The following PTTG1IP variants were observed in gnomAD, a reference collection of about 807,000 sequenced individuals.
The protein encoded by PTTG1IP is pituitary tumor-transforming gene 1 protein-interacting protein.
In PTTG1IP, 16 loss-of-function variants were observed where a neutral mutation model predicts 24.4. The observed-to-expected ratio is 0.66, with a 90% CI of 0.44 to 1.00. PTTG1IP has a LOEUF of 1.00. Ranked by LOEUF, PTTG1IP falls within the 50% of genes least tolerant of loss-of-function variation. The pLI is 0.00. For missense variants in PTTG1IP, 241 were observed against 245.8 expected (o/e 0.98, Z 0.13); for synonymous variants, 89 against 96.8 (o/e 0.92, Z 0.47).
chr21:44,854,022 G>A (rs1477714827), intron 5 of PTTG1IP, among the ~76,000 whole-genome samples: 1 of 152,124 alleles, frequency 6.6e-6, no homozygotes, highest in Admixed American at 6.5e-5. Context: ...AGTGGGCAGA[G>A]CCACCCAGCG....
chr21:44,865,623 C>T (rs2083530027), intron 1 of PTTG1IP, 176 bp from the exon 2 acceptor site: 2 of 667,050 alleles, frequency 3.0e-6, no homozygotes, highest in Non-Finnish European at 5.4e-6. Flanking sequence ...TTCTTCAAGA[C>T]ATGTGGAACG....
intron 1 of PTTG1IP, among the ~76,000 whole-genome samples, chr21:44,868,738 A>G (rs923841425): frequency 2.0e-5 from 3 of 152,244 alleles, no homozygotes; most frequent in Non-Finnish European, 4.4e-5. Context: ...CCATTTTACA[A>G]TCATCACAGC....
At chr21:44,864,259 T>C (rs992687344) in intron 2 of PTTG1IP, among the ~76,000 whole-genome samples, 3 of 152,244 alleles carry the variant, frequency 2.0e-5, no homozygotes, top group South Asian at 2.1e-4. Context: ...GCTGATTTCA[T>C]AGCGCTGCGA....
chr21:44,869,925 A>G (rs529353245), intron 1 of PTTG1IP, among the ~76,000 whole-genome samples: 3 of 152,340 alleles, frequency 2.0e-5, no homozygotes, highest in African/African-American at 7.2e-5. Flanking sequence ...CTTTCTGATA[A>G]CTAGGTCTTG....
chr21:44,865,225 T>C (rs1236240371), intron 2 of PTTG1IP, among the ~76,000 whole-genome samples, 170 bp downstream of exon 2: 1 of 152,218 alleles, frequency 6.6e-6, no homozygotes, highest in Non-Finnish European at 1.5e-5. Flanking sequence ...AGGTTTAATA[T>C]ACCTGAAATG....
chr21:44,862,193 G>A (rs1434907815), intron 2 of PTTG1IP, among the ~76,000 whole-genome samples: 2 of 152,232 alleles, frequency 1.3e-5, no homozygotes, highest in Non-Finnish European at 2.9e-5. Context: ...GGACAGCCTA[G>A]CACGCAGGCA....
intron 2 of PTTG1IP, among the ~76,000 whole-genome samples, chr21:44,862,533 A>G (rs2083500206): frequency 6.6e-6 from 1 of 152,184 alleles, no homozygotes; most frequent in Non-Finnish European, 1.5e-5. Flanking sequence ...AGGAAAAAAA[A>G]AAGAACTGCC....
intron 3 of PTTG1IP, 54 bp from the exon 4 acceptor site, chr21:44,856,418 G>A (rs920575530): frequency 6.5e-7 from 1 of 1,548,248 alleles, no homozygotes. Flanking sequence ...AACCCACCCA[G>A]CACAGCAGCC....
At chr21:44,852,209 T>G (rs1463140066) in intron 5 of PTTG1IP, among the ~76,000 whole-genome samples, 1 of 149,764 alleles carries the variant, frequency 6.7e-6, no homozygotes, top group Non-Finnish European at 1.5e-5. Flanking sequence ...TGAGACAGAG[T>G]TTTGCTCTTG....
chr21:44,866,077 G>A (rs1376852021), intron 1 of PTTG1IP, among the ~76,000 whole-genome samples: 2 of 152,064 alleles, frequency 1.3e-5, no homozygotes, highest in East Asian at 3.9e-4. Context: ...TACTCAAAGC[G>A]CTGCTACTAA....
intron 2 of PTTG1IP, chr21:44,861,677 C>G: frequency 1.4e-6 from 1 of 714,554 alleles, no homozygotes; most frequent in Admixed American, 2.0e-5. Context: ...TGGGCCCTGC[C>G]TCGATCAACA....
Position 44,851,605 on chromosome 21 carries a change from C to T in PTTG1IP, c.519G>A (p.Pro173=), listed in dbSNP as rs749731970. 3.5e-5 allele frequency: 55 copies of T among 1,589,352 alleles called. No homozygotes were observed. The highest frequency in any genetic ancestry group is 1.7e-4 in the Middle Eastern group (1 of 5,998). ...KKYGLFKEEN[P]YARFENN ...TTTAGTTGTTTTCAAATCTAGCATACGGGTTTTCTTCTTTAAACAGGCCTG... is the reference window on the plus strand; with the variant it reads ...TTTAGTTGTTTTCAAATCTAGCATATGGGTTTTCTTCTTTAAACAGGCCTG... The change falls in exon 6 of 6, where the codon CCG becomes CCA. Residue 173 remains proline, a synonymous_variant. Transcript: ENST00000330938.
chr21:44,865,359 G>A (rs758505121), intron 2 of PTTG1IP, 36 bp downstream of exon 2: 73 of 1,606,128 alleles, frequency 4.5e-5, no homozygotes, highest in Non-Finnish European at 5.7e-5. Flanking sequence ...GGACGGTCTG[G>A]ACGGCACTCT....
At position 44,854,917 on chromosome 21, in the gene PTTG1IP, G is replaced by A. The variant is rs115101723; in HGVS notation, c.496+293C>T. Among the ~76,000 whole-genome samples the A allele has an allele frequency of 5.8e-3, 876 of 152,290 alleles. 11 individuals are homozygous for A. Among genetic ancestry groups the A allele is most frequent in the African/African-American group, 0.02 (820 of 41,558 alleles). ...GTGCCCACAGGAAGCCAAACACGAC[G>A]GCAGAACAGCTGCAGACTTCCAGCC... On this transcript the variant is annotated intron_variant, in intron 5 of 5. Coordinates refer to ENST00000330938, the MANE Select transcript of PTTG1IP (RefSeq NM_004339.4).
chr21:44,856,347 T>A lies in PTTG1IP; in HGVS notation c.295A>T (p.Ile99Phe). 1 of 1,613,086 alleles carries A rather than the reference T, an allele frequency of 6.2e-7. No individual in the cohort carries two copies. Among genetic ancestry groups the A allele is most frequent in the Non-Finnish European group, 8.5e-7 (1 of 1,179,254 alleles). The part of the protein sequence containing the change: ...GVCWVNFEAL[I>F]ITMSVVGGTL... ...CCCCCGACTACCGACATGGTGATGA[T>A]CAGCGCCTCAAAGTTCACTGGAGAT... Residue 99 changes from isoleucine (I) to phenylalanine (F), a missense_variant, in exon 4 of 6, where the codon ATC becomes TTC. Transcript: ENST00000330938.
At chr21:44,860,527 G>A (rs1478052773) in intron 3 of PTTG1IP, among the ~76,000 whole-genome samples, 2 of 152,136 alleles carry the variant, frequency 1.3e-5, no homozygotes, top group Non-Finnish European at 2.9e-5. Context: ...GATTCTAGGG[G>A]AATTCACAGG....
chr21:44,873,365 C>T, intron 1 of PTTG1IP, 137 bp downstream of exon 1: 1 of 897,180 alleles, frequency 1.1e-6, no homozygotes, highest in Non-Finnish European at 1.4e-6. Context: ...GAGCCTCCGT[C>T]GGGGCGCTGC....
In PTTG1IP at chr21:44,873,457, G is replaced by A; in HGVS notation, c.115+45C>T. 2.3e-6 allele frequency: 3 copies of A among 1,321,774 alleles called. 1 individual carries two copies. Among genetic ancestry groups the A allele is most frequent in the Middle Eastern group, 5.8e-4 (2 of 3,448 alleles). 81.9% of individuals were successfully genotyped at this position (1,321,774 alleles called of 1,614,324 possible). On this transcript the variant is annotated intron_variant, in intron 1 of 5. Coordinates refer to ENST00000330938, the MANE Select transcript of PTTG1IP (RefSeq NM_004339.4). ...CCCCGACCCCGACCTGGACCCACCA[G>A]CCGCCCCGCCCCCTTCGCGGCCCCG... is the stretch of plus-strand genomic sequence containing the variant.
chr21:44,855,241 C>T lies in PTTG1IP; in HGVS notation c.465G>A (p.Lys155=). 1 of 1,612,394 alleles carries T rather than the reference C, an allele frequency of 6.2e-7. No homozygotes were observed. The highest frequency in any genetic ancestry group is 8.5e-7 in the Non-Finnish European group (1 of 1,178,424). The change falls in exon 5 of 6, where the codon AAG becomes AAA. Residue 155 remains lysine (K), a synonymous_variant. Coordinates refer to ENST00000330938, the MANE Select transcript of PTTG1IP (RefSeq NM_004339.4). ...TTTTTCTGATTTCATCATGTCTTGT[C>T]TTCATCTCTGCTCTCCTAAAACACA... The part of the protein sequence containing the change: ...IRQEERRAEM[K]TRHDEIRKKY...
Sources: gnomAD v4.1 joint callset for allele counts (sites outside exome capture counted in the v4.1 genomes callset) on GRCh38, gnomAD v4.1.1 for gene constraint, MANE v1.5 for transcripts, NCBI Gene and HGNC (gene_info 2026-07-23, HGNC 2026-07-21) for gene names.